Variants in COG6 observed in about 807,000 individuals in gnomAD.
COG6 encodes the protein component of oligomeric golgi complex 6, also known as conserved oligomeric Golgi complex subunit 6.
COG6 carries 74 observed loss-of-function variants against 88.8 expected under a neutral mutation model. The observed-to-expected ratio is 0.83, with a 90% confidence interval of 0.69 to 1.01. The LOEUF (loss-of-function observed/expected upper bound fraction) is 1.01. Among genes scored for constraint, COG6 ranks in the 50% least tolerant of loss-of-function variants. The probability of loss-of-function intolerance (pLI) is 0.00; values close to 1 mark genes in which losing one functional copy is unlikely to be tolerated. For missense variants in COG6, 800 were observed against 797.9 expected, an observed-to-expected ratio of 1.00 and a Z score of -0.03; for synonymous variants, 286 against 278.7, an observed-to-expected ratio of 1.03 and a Z score of -0.26.
chr13:39,787,766 C>T (rs983447767), intron 18 of COG6, among the ~76,000 whole-genome samples: 10 of 152,072 alleles, frequency 6.6e-5, no homozygotes, highest in Admixed American at 6.6e-5. Context: ...TTTTAAAATA[C>T]AGCATAACAA....
At chr13:39,735,610 C>A (rs1335817796) in intron 18 of COG6, among the ~76,000 whole-genome samples, 1 of 151,770 alleles carries the variant, frequency 6.6e-6, no homozygotes, top group East Asian at 1.9e-4. Context: ...TTAGTTCCTT[C>A]AGATGATTTC....
intron 4 of COG6, 44 bp downstream of exon 4, chr13:39,665,198 T>C: frequency 1.9e-6 from 2 of 1,050,628 alleles, no homozygotes; most frequent in South Asian, 2.6e-5. Flanking sequence ...AATTTGGAGA[T>C]TGGAGTCAAA....
At chr13:39,696,809 G>T (rs998873130) in intron 12 of COG6, among the ~76,000 whole-genome samples, 1 of 151,326 alleles carries the variant, frequency 6.6e-6, no homozygotes, top group African/African-American at 2.4e-5. Flanking sequence ...AGTGTAGTGA[G>T]ACAAAAGGGA....
intron 11 of COG6, among the ~76,000 whole-genome samples, chr13:39,691,938 A>AT (rs1156845587): frequency 6.8e-6 from 1 of 146,674 alleles, no homozygotes; most frequent in Non-Finnish European, 1.5e-5. Context: ...GTAGATATGA[A>AT]TTTTTTTTGG....
At chr13:39,672,541 C>T (rs1472990207) in intron 4 of COG6, among the ~76,000 whole-genome samples, 2 of 152,006 alleles carry the variant, frequency 1.3e-5, no homozygotes, top group South Asian at 2.1e-4. Context: ...GCTTTTTCCA[C>T]ATAGATAAAC....
intron 15 of COG6, among the ~76,000 whole-genome samples, chr13:39,720,613 C>T (rs2138077903): frequency 6.6e-6 from 1 of 152,028 alleles, no homozygotes; most frequent in East Asian, 1.9e-4. Context: ...AATAATTCTA[C>T]AGAACTTGTT....
intron 18 of COG6, among the ~76,000 whole-genome samples, chr13:39,762,484 C>T (rs1881047562): frequency 6.6e-6 from 1 of 151,722 alleles, no homozygotes; most frequent in African/African-American, 2.4e-5. Context: ...TAACAACAAT[C>T]TATTGTATAT....
At chr13:39,745,053 C>A (rs1030074309) in intron 18 of COG6, among the ~76,000 whole-genome samples, 3 of 152,076 alleles carry the variant, frequency 2.0e-5, no homozygotes, top group African/African-American at 7.2e-5. Context: ...GAAAGCTGAA[C>A]CTGGATCCCT....
chr13:39,781,151 G>A (rs1480622543), intron 18 of COG6, among the ~76,000 whole-genome samples: 1 of 152,136 alleles, frequency 6.6e-6, no homozygotes, highest in Non-Finnish European at 1.5e-5. Flanking sequence ...AATAAATGGA[G>A]GTGAAGGGCC....
At chr13:39,767,803 A>G (rs1881210982) in intron 18 of COG6, among the ~76,000 whole-genome samples, 1 of 152,244 alleles carries the variant, frequency 6.6e-6, no homozygotes, top group Non-Finnish European at 1.5e-5. Context: ...CTAGACATGA[A>G]AAGTCCCAAT....
At chr13:39,785,799 C>A (rs757901775) in intron 18 of COG6, among the ~76,000 whole-genome samples, 1 of 152,098 alleles carries the variant, frequency 6.6e-6, no homozygotes, top group Non-Finnish European at 1.5e-5. Flanking sequence ...AAACTAAATC[C>A]TTCAGATGAG....
At chr13:39,774,372 A>G (rs779785494) in intron 18 of COG6, among the ~76,000 whole-genome samples, 1 of 152,184 alleles carries the variant, frequency 6.6e-6, no homozygotes, top group Non-Finnish European at 1.5e-5. Flanking sequence ...AAATATGAGA[A>G]CTATATTTAG....
chr13:39,656,527 T>C (rs1040531712), intron 1 of COG6, among the ~76,000 whole-genome samples: 1 of 151,982 alleles, frequency 6.6e-6, no homozygotes, highest in Non-Finnish European at 1.5e-5. Context: ...AGTTGGACTT[T>C]ACAGCTCCTC....
chr13:39,725,313 C>A (rs1179887406), intron 17 of COG6, among the ~76,000 whole-genome samples: 1 of 151,846 alleles, frequency 6.6e-6, no homozygotes, highest in Non-Finnish European at 1.5e-5. Flanking sequence ...ATGACAACCC[C>A]ATTCAATCCA....
rs1480944921 is a variant in COG6, at chr13:39,694,002, C to T, written c.1075-632C>T. On this transcript the variant is annotated intron_variant, in intron 11 of 18. Coordinates refer to ENST00000455146, the MANE Select transcript of COG6 (RefSeq NM_020751.3). Reference sequence around the variant, plus strand: ...TTATCAGTGTAGTTTAGATTGTATTCATTAATGAGATAATATAAAAGAAGG... The same window carrying T: ...TTATCAGTGTAGTTTAGATTGTATTTATTAATGAGATAATATAAAAGAAGG... Among the ~76,000 whole-genome samples the T allele has an allele frequency of 5.3e-5, 8 of 151,812 alleles. No homozygotes were observed. The East Asian group carries it at 1.5e-3, about 29-fold the overall frequency.
At chr13:39,716,901 A>G (rs1878558459) in intron 13 of COG6, among the ~76,000 whole-genome samples, 1 of 152,192 alleles carries the variant, frequency 6.6e-6, no homozygotes, top group South Asian at 2.1e-4. Context: ...CAAAAAATAC[A>G]TTAAAACTGT....
At chr13:39,755,975 G>A (rs1880822458), downstream of COG6, among the ~76,000 whole-genome samples, 1 of 152,188 alleles carries the variant, frequency 6.6e-6, no homozygotes, top group Admixed American at 6.5e-5. Flanking sequence ...AACGGGGTGG[G>A]GCAAGAGAAT....
chr13:39,659,261 T>A, intron 1 of COG6, 103 bp from the exon 2 acceptor site: 2 of 1,162,378 alleles, frequency 1.7e-6, no homozygotes, highest in Admixed American at 4.0e-5. Flanking sequence ...GATTGGTTAA[T>A]GAAAATAAAT....
At chr13:39,740,899 C>T (rs1352587776) in intron 18 of COG6, among the ~76,000 whole-genome samples, 1 of 152,038 alleles carries the variant, frequency 6.6e-6, no homozygotes. Context: ...CATTTGATTG[C>T]ACTCTTAACT....
Sources: allele counts gnomAD v4.1 joint callset (sites outside exome capture counted in the v4.1 genomes callset), GRCh38; gene constraint gnomAD v4.1.1; transcripts MANE v1.5; gene names NCBI Gene and HGNC (gene_info 2026-07-23, HGNC 2026-07-21).